The following CNTN4 variants were observed in gnomAD, a reference collection of about 807,000 sequenced individuals.
CNTN4 encodes the protein contactin 4.
In CNTN4, 77 loss-of-function variants were observed where a neutral mutation model predicts 122.5. The observed-to-expected ratio is 0.63, with a 90% CI of 0.52 to 0.76. The LOEUF is 0.76. Ranked by LOEUF, CNTN4 falls within the 30% of genes least tolerant of loss-of-function variation. The pLI is 0.00. For synonymous variants in CNTN4, 512 were observed against 447.0 expected, an observed-to-expected ratio of 1.15 and a Z score of -1.83; for missense variants, 1,256 against 1,259.1, an observed-to-expected ratio of 1.00 and a Z score of 0.04.
chr3:2,324,416 C>T (rs528291756), intron 2 of CNTN4, among the ~76,000 whole-genome samples: 12 of 152,196 alleles, frequency 7.9e-5, no homozygotes, highest in African/African-American at 2.6e-4. Context: ...ATAACACTGT[C>T]GTCAGAGTTA....
chr3:2,636,733 A>G (rs940037126), intron 4 of CNTN4, among the ~76,000 whole-genome samples: 6 of 152,102 alleles, frequency 3.9e-5, no homozygotes, highest in Admixed American at 3.9e-4. Context: ...ATAAGCATCA[A>G]ATTTTATGAA....
At chr3:2,916,396 T>C (rs1324305280) in intron 12 of CNTN4, among the ~76,000 whole-genome samples, 1 of 148,944 alleles carries the variant, frequency 6.7e-6, no homozygotes, top group Non-Finnish European at 1.5e-5. Flanking sequence ...TAGGGAGTGG[T>C]GATGACTGTT....
At chr3:2,465,606 G>A (rs1194339832) in intron 3 of CNTN4, among the ~76,000 whole-genome samples, 1 of 152,098 alleles carries the variant, frequency 6.6e-6, no homozygotes, top group African/African-American at 2.4e-5. Flanking sequence ...GAACCCGGGA[G>A]GCAGAGGTTG....
chr3:2,423,041 C>T (rs144213097), intron 3 of CNTN4, among the ~76,000 whole-genome samples: 1 of 152,228 alleles, frequency 6.6e-6, no homozygotes, highest in East Asian at 1.9e-4. Context: ...AAAGCGACTG[C>T]GTTGTTTTAG....
intron 3 of CNTN4, among the ~76,000 whole-genome samples, chr3:2,391,764 CTT>C (rs35652872): frequency 0.16 from 24,358 of 152,100 alleles, 2,387 homozygotes; most frequent in Middle Eastern, 0.26. Context: ...CTCCCATAAA[CTT>C]TTGAGAATCA....
At chr3:2,972,371 T>G (rs1693009256) in intron 13 of CNTN4, among the ~76,000 whole-genome samples, 1 of 152,026 alleles carries the variant, frequency 6.6e-6, no homozygotes, top group Non-Finnish European at 1.5e-5. Flanking sequence ...AAGATTTTAA[T>G]AAATTCCCGA....
At chr3:2,562,537 A>G (rs902020797) in intron 3 of CNTN4, among the ~76,000 whole-genome samples, 3 of 152,146 alleles carry the variant, frequency 2.0e-5, no homozygotes, top group Non-Finnish European at 4.4e-5. Flanking sequence ...AGCTGCATCC[A>G]TCTTCCTGCA....
chr3:2,209,315 C>G (rs2038502084), intron 2 of CNTN4, among the ~76,000 whole-genome samples: 1 of 152,148 alleles, frequency 6.6e-6, no homozygotes, highest in Non-Finnish European at 1.5e-5. Context: ...CATCCACATT[C>G]CCTTTGGGAA....
At chr3:2,370,775 T>C (rs1452823290) in intron 3 of CNTN4, among the ~76,000 whole-genome samples, 1 of 152,166 alleles carries the variant, frequency 6.6e-6, no homozygotes, top group Admixed American at 6.5e-5. Context: ...TTTAGAGATT[T>C]ATCCCAATTT....
At chr3:3,007,898 C>G (rs9815505) in intron 14 of CNTN4, among the ~76,000 whole-genome samples, 1 of 151,904 alleles carries the variant, frequency 6.6e-6, no homozygotes, top group African/African-American at 2.4e-5. Flanking sequence ...AACCCAAGAC[C>G]ATCCTGGGCA....
intron 2 of CNTN4, among the ~76,000 whole-genome samples, chr3:2,260,665 C>T (rs142911792): frequency 1.3e-3 from 203 of 152,008 alleles, no homozygotes; most frequent in African/African-American, 4.6e-3. Context: ...ATGTTGCCTG[C>T]TAATAGAACT....
chr3:2,102,699 T>C (rs1182388618), intron 2 of CNTN4, among the ~76,000 whole-genome samples: 1 of 152,168 alleles, frequency 6.6e-6, no homozygotes, highest in Non-Finnish European at 1.5e-5. Flanking sequence ...AGAACTGGAA[T>C]GAGTGCATAT....
intron 12 of CNTN4, among the ~76,000 whole-genome samples, chr3:2,903,866 C>T (rs2094201941): frequency 6.6e-6 from 1 of 151,932 alleles, no homozygotes; most frequent in Non-Finnish European, 1.5e-5. Flanking sequence ...TATTGAAGCA[C>T]ATAGTATGCA....
At chr3:2,992,491 A>G (rs1013577249) in intron 14 of CNTN4, among the ~76,000 whole-genome samples, 3 of 152,304 alleles carry the variant, frequency 2.0e-5, no homozygotes, top group Admixed American at 2.0e-4. Context: ...GCAATATTGT[A>G]CTTACTAAAT....
At chr3:2,471,430 T>C (rs1035257074) in intron 3 of CNTN4, among the ~76,000 whole-genome samples, 2 of 152,242 alleles carry the variant, frequency 1.3e-5, no homozygotes, top group South Asian at 2.1e-4. Flanking sequence ...CTTCTTGCCT[T>C]TTATTTTCCC....
chr3:3,050,760 T>A (rs1701179765), intron 23 of CNTN4, among the ~76,000 whole-genome samples: 1 of 24,700 alleles, frequency 4.0e-5, no homozygotes, highest in Non-Finnish European at 7.7e-5. Flanking sequence ...TGAAACTCCG[T>A]CTCAAAAAAA....
chr3:2,483,510 G>T (rs1202684933), intron 3 of CNTN4, among the ~76,000 whole-genome samples: 1 of 152,160 alleles, frequency 6.6e-6, no homozygotes, highest in Non-Finnish European at 1.5e-5. Context: ...GGGGTCAGGG[G>T]CAGAATGATA....
chr3:2,784,372 G>C (rs772325992), intron 6 of CNTN4, among the ~76,000 whole-genome samples: 1 of 152,060 alleles, frequency 6.6e-6, no homozygotes, highest in Non-Finnish European at 1.5e-5. Context: ...TGTTTATTGC[G>C]CACCTCCACA....
At chr3:2,614,609 G>A (rs1266202523) in intron 4 of CNTN4, among the ~76,000 whole-genome samples, 1 of 152,060 alleles carries the variant, frequency 6.6e-6, no homozygotes, top group Non-Finnish European at 1.5e-5. Flanking sequence ...GAGAGAACGG[G>A]GTGAACTTTC....
Sources: gnomAD v4.1 joint callset for allele counts (sites outside exome capture counted in the v4.1 genomes callset) on GRCh38, gnomAD v4.1.1 for gene constraint, MANE v1.5 for transcripts, NCBI Gene and HGNC (gene_info 2026-07-23, HGNC 2026-07-21) for gene names.